FUT8: variants seen among roughly 807,000 people sequenced by gnomAD.
FUT8 encodes the protein fucosyltransferase 8.
In FUT8, 29 loss-of-function variants were observed where a neutral mutation model predicts 71.3. The observed-to-expected ratio is 0.41, with a 90% CI of 0.30 to 0.55. The LOEUF (loss-of-function observed/expected upper bound fraction) is 0.55. FUT8 is among the 20% of genes least tolerant of loss of function. FUT8 has a pLI of 0.34. For missense variants in FUT8, 544 were observed against 702.1 expected, an observed-to-expected ratio of 0.77 and a Z score of 2.55; for synonymous variants, 254 against 239.3, an observed-to-expected ratio of 1.06 and a Z score of -0.57.
chr14:65,378,684 C>T, the FUT8 span, among the ~76,000 whole-genome samples: 1 of 152,050 alleles, frequency 6.6e-6, no homozygotes, highest in Non-Finnish European at 1.5e-5. Context: ...TAGAATACTT[C>T]CAGGACTATA....
At chr14:65,534,549 CTTTTTT>C (rs71126760) in intron 2 of FUT8, among the ~76,000 whole-genome samples, 3 of 122,236 alleles carry the variant, frequency 2.5e-5, no homozygotes, top group Non-Finnish European at 3.3e-5. Context: ...GGCTGTTTTT[CTTTTTT>C]TTTTTTTTTT....
chr14:65,595,705 T>A (rs1428458659), intron 3 of FUT8, among the ~76,000 whole-genome samples: 1 of 145,552 alleles, frequency 6.9e-6, no homozygotes, highest in Non-Finnish European at 1.5e-5. Flanking sequence ...GCCTCCCGGG[T>A]TCATGCTGTT....
chr14:65,573,506 C>T (rs1886595965), intron 3 of FUT8, among the ~76,000 whole-genome samples: 2 of 151,848 alleles, frequency 1.3e-5, no homozygotes, highest in Admixed American at 1.3e-4. Flanking sequence ...ATTAATATTA[C>T]AAATAGGAGG....
intron 7 of FUT8, among the ~76,000 whole-genome samples, chr14:65,703,447 A>G (rs774906258): frequency 6.6e-6 from 1 of 152,228 alleles, no homozygotes; most frequent in Non-Finnish European, 1.5e-5. Context: ...TAATACCTTT[A>G]CACTATTTGT....
chr14:65,453,857 G>A lies in FUT8; in HGVS notation c.-325-1764G>A, dbSNP rs1200520758. On this transcript the variant is annotated intron_variant, in intron 1 of 10. Transcript: ENST00000673929. ...TTCTCCTTTCTGGTATATCATTCTA[G>A]TAATTTTTGCCACCTCCACTGTTCC... Among the ~76,000 whole-genome samples, 2 of 152,140 alleles carry A rather than the reference G, an allele frequency of 1.3e-5. 1 individual carries two copies. The highest frequency in any genetic ancestry group is 4.1e-4 in the South Asian group (2 of 4,838).
At chr14:65,644,708 A>G (rs1468541594) in intron 6 of FUT8, among the ~76,000 whole-genome samples, 1 of 152,174 alleles carries the variant, frequency 6.6e-6, no homozygotes, top group Non-Finnish European at 1.5e-5. Context: ...CACTATTCCT[A>G]GGGGAAATAC....
the FUT8 span, among the ~76,000 whole-genome samples, chr14:65,373,922 A>G: frequency 6.6e-6 from 1 of 152,028 alleles, no homozygotes; most frequent in Admixed American, 6.6e-5. Context: ...GGGCACGGAC[A>G]GCTGCCTGGC....
chr14:65,374,601 GTT>G, the FUT8 span, among the ~76,000 whole-genome samples: 1 of 144,866 alleles, frequency 6.9e-6, no homozygotes, highest in East Asian at 2.0e-4. Flanking sequence ...TGTTTTTTTT[GTT>G]TTTTTTTTTT....
chr14:65,715,471 C>T (rs1468803855), intron 7 of FUT8, among the ~76,000 whole-genome samples: 1 of 152,178 alleles, frequency 6.6e-6, no homozygotes, highest in Non-Finnish European at 1.5e-5. Flanking sequence ...TATTTCTGCT[C>T]TGATCTTTAT....
chr14:65,519,607 T>C (rs1882949211), intron 2 of FUT8, among the ~76,000 whole-genome samples: 1 of 152,186 alleles, frequency 6.6e-6, no homozygotes, highest in Non-Finnish European at 1.5e-5. Flanking sequence ...GATAAATTTT[T>C]TTAAACTTAA....
chr14:65,473,050 C>A (rs1023910175), intron 2 of FUT8, among the ~76,000 whole-genome samples: 5 of 152,032 alleles, frequency 3.3e-5, no homozygotes, highest in African/African-American at 1.2e-4. Context: ...CTTAACATAA[C>A]TGTGGTTACC....
chr14:65,492,524 T>A (rs933225913), intron 2 of FUT8, among the ~76,000 whole-genome samples: 1 of 152,194 alleles, frequency 6.6e-6, no homozygotes, highest in Non-Finnish European at 1.5e-5. Flanking sequence ...CTTTCCTTTT[T>A]CTGTCCTTAA....
chr14:65,461,424 CAGTAT>C (rs2065967528), intron 2 of FUT8, among the ~76,000 whole-genome samples: 1 of 152,152 alleles, frequency 6.6e-6, no homozygotes, highest in African/African-American at 2.4e-5. Context: ...TTATTTAACT[CAGTAT>C]AGGGGACATG....
At chr14:65,417,405 A>T (rs76713816) in intron 1 of FUT8, among the ~76,000 whole-genome samples, 2,650 of 152,242 alleles carry the variant, frequency 0.017, 74 homozygotes, top group African/African-American at 0.06. Flanking sequence ...CTTACCTCCC[A>T]CCAGGCAAAG....
intron 2 of FUT8, among the ~76,000 whole-genome samples, chr14:65,466,969 T>C (rs1338785866): frequency 6.6e-6 from 1 of 152,206 alleles, no homozygotes; most frequent in African/African-American, 2.4e-5. Flanking sequence ...TCACTAAATA[T>C]ATTGTTGCTA....
chr14:65,548,952 C>T (rs940774461), intron 2 of FUT8, among the ~76,000 whole-genome samples: 4 of 152,190 alleles, frequency 2.6e-5, no homozygotes, highest in Admixed American at 6.5e-5. Flanking sequence ...TATACGGATA[C>T]AAAATAAGCA....
intron 3 of FUT8, among the ~76,000 whole-genome samples, chr14:65,608,519 T>A (rs757397057): frequency 2.0e-5 from 3 of 152,024 alleles, no homozygotes; most frequent in Non-Finnish European, 4.4e-5. Context: ...GTTTTCATAT[T>A]ATGTTTTAAT....
chr14:65,560,363 T>C (rs750605499), intron 2 of FUT8, among the ~76,000 whole-genome samples: 2 of 152,174 alleles, frequency 1.3e-5, no homozygotes, highest in Non-Finnish European at 2.9e-5. Context: ...AAAATTTTTA[T>C]AGAGATGGGG....
intron 2 of FUT8, among the ~76,000 whole-genome samples, chr14:65,502,887 G>C (rs1401446504): frequency 6.6e-6 from 1 of 152,188 alleles, no homozygotes; most frequent in African/African-American, 2.4e-5. Context: ...TAAGGCCTGA[G>C]ATTGTGCATT....
Sources: gnomAD v4.1 joint callset for allele counts (sites outside exome capture counted in the v4.1 genomes callset) on GRCh38, gnomAD v4.1.1 for gene constraint, MANE v1.5 for transcripts, NCBI Gene and HGNC (gene_info 2026-07-23, HGNC 2026-07-21) for gene names.